The following UBASH3B variants were observed in gnomAD, a reference collection of about 807,000 sequenced individuals.
The protein encoded by UBASH3B is ubiquitin associated and SH3 domain containing B, also known as ubiquitin-associated and SH3 domain-containing protein B.
UBASH3B carries 37 observed loss-of-function variants against 83.4 expected under a neutral mutation model. That is an observed-to-expected ratio of 0.44 (90% CI 0.34 to 0.58). UBASH3B has a LOEUF of 0.58. Among genes scored for constraint, UBASH3B ranks in the 20% least tolerant of loss-of-function variants. The pLI is 0.01. For synonymous variants in UBASH3B, 304 were observed against 318.3 expected, an observed-to-expected ratio of 0.96 and a Z score of 0.48; for missense variants, 657 against 827.2, an observed-to-expected ratio of 0.79 and a Z score of 2.52.
At chr11:122,665,004 G>T (rs1017863983) in intron 1 of UBASH3B, among the ~76,000 whole-genome samples, 2 of 152,204 alleles carry the variant, frequency 1.3e-5, no homozygotes, top group African/African-American at 4.8e-5. Flanking sequence ...CGCCCCCCGG[G>T]TTCACTTCAT....
intron 1 of UBASH3B, among the ~76,000 whole-genome samples, chr11:122,760,803 T>C (rs1861359060): frequency 6.6e-6 from 1 of 152,028 alleles, no homozygotes. Context: ...AGATGAAGAG[T>C]TTAAAAAGTA....
rs576321682 is a variant in UBASH3B, at chr11:122,809,625, C to T, written c.1813-124C>T. 3.1e-6 allele frequency: 3 copies of T among 982,756 alleles called. No individual in the cohort carries two copies. In the South Asian group the frequency reaches 5.1e-5, roughly 17 times the overall value. The allele number at this position is 982,756 out of a possible 1,614,324, so 60.9% of individuals were successfully genotyped here. The stretch of plus-strand genomic sequence containing the variant: ...GATTTTTGAAGGGAATGCATTTCTA[C>T]AAAGCCACTATCCATTTCTGACTGC... On this transcript the variant is annotated intron_variant, in intron 13 of 13. Transcript: ENST00000284273.
chr11:122,770,014 G>C (rs1224617747), intron 1 of UBASH3B, among the ~76,000 whole-genome samples: 1 of 152,188 alleles, frequency 6.6e-6, no homozygotes, highest in African/African-American at 2.4e-5. Flanking sequence ...CTACATGAAG[G>C]AAAGATATAA....
At chr11:122,792,235 A>T (rs1041742099) in intron 6 of UBASH3B, among the ~76,000 whole-genome samples, 3 of 151,862 alleles carry the variant, frequency 2.0e-5, no homozygotes, top group Admixed American at 6.6e-5. Context: ...TACAAGAACG[A>T]TTCTAGGTAG....
intron 5 of UBASH3B, among the ~76,000 whole-genome samples, chr11:122,784,902 T>C (rs1860921126): frequency 6.6e-6 from 1 of 152,126 alleles, no homozygotes; most frequent in Non-Finnish European, 1.5e-5. Context: ...TATTTAAGAA[T>C]TCTGACATCT....
At chr11:122,788,505 G>T (rs1469066333) in intron 5 of UBASH3B, among the ~76,000 whole-genome samples, 2 of 152,156 alleles carry the variant, frequency 1.3e-5, no homozygotes, top group African/African-American at 4.8e-5. Flanking sequence ...GGAGGCAGAG[G>T]CTACAGTGTG....
rs1861488903 is a variant in UBASH3B at position 122,813,626 on chromosome 11, T to C, written c.*3740T>C. The stretch of plus-strand genomic sequence containing the variant: ...CACACGTGTGAGAAAGAAGAGGCAC[T>C]AGTCTAAAAGGCTGCATTGCGGGGA... On this transcript the variant is annotated 3_prime_UTR_variant, in exon 14 of 14. Transcript: ENST00000284273. The C allele has an allele frequency of 6.6e-6, 1 of 152,192 alleles. No homozygotes were observed. The highest frequency in any genetic ancestry group is 2.1e-4 in the South Asian group (1 of 4,834). 9.4% of individuals were successfully genotyped at this position (152,192 alleles called of 1,614,324 possible). A position where few individuals can be genotyped will look rare whatever the true frequency, so the allele number is the denominator to read the frequency against.
intron 1 of UBASH3B, among the ~76,000 whole-genome samples, chr11:122,664,307 A>G (rs928365307): frequency 6.6e-6 from 1 of 152,134 alleles, no homozygotes; most frequent in Non-Finnish European, 1.5e-5. Context: ...GATTACTTTC[A>G]AATGGAATCA....
intron 6 of UBASH3B, among the ~76,000 whole-genome samples, chr11:122,792,705 C>T (rs936732906): frequency 8.5e-5 from 13 of 152,256 alleles, no homozygotes; most frequent in South Asian, 4.1e-4. Context: ...ACTGTGTGAA[C>T]GGCACAAGAT....
intron 10 of UBASH3B, among the ~76,000 whole-genome samples, chr11:122,800,500 G>T (rs1343619248): frequency 6.6e-6 from 1 of 151,750 alleles, no homozygotes; most frequent in East Asian, 1.9e-4. Context: ...GTTGCAGTGA[G>T]CCGAGACTGT....
Position 122,777,059 on chromosome 11 carries a change from A to T in UBASH3B, c.251A>T (p.Asp84Val). The part of the protein sequence containing the change: ...FSHVGDPFLD[D>V]PLPREYVLYL... The stretch of plus-strand genomic sequence containing the variant: ...CATGTCGGTGACCCCTTCCTGGATG[A>T]CCCCCTGCCCCGGGAGTACGTCCTC... Residue 84 changes from aspartate to valine, a missense_variant, in exon 3 of 14, where the codon GAC (aspartate) becomes GTC (valine). By Grantham distance (152) the Asp-to-Val change is radical. Around this residue, in one of 3 missense-constraint regions of UBASH3B, gnomAD observed 573 missense variants for 739.0 expected, o/e 0.78. Transcript: ENST00000284273. 1 of 1,611,374 alleles carries T rather than the reference A, an allele frequency of 6.2e-7. No individual in the cohort carries two copies. Among genetic ancestry groups the T allele is most frequent in the Non-Finnish European group, 8.5e-7 (1 of 1,178,958 alleles).
chr11:122,712,327 A>T (rs1298511730), intron 1 of UBASH3B, among the ~76,000 whole-genome samples: 2 of 152,154 alleles, frequency 1.3e-5, no homozygotes. Flanking sequence ...GGTAGCTGAC[A>T]TGAAGCTCCA....
chr11:122,717,369 T>C (rs752135666), intron 1 of UBASH3B, among the ~76,000 whole-genome samples: 9 of 152,174 alleles, frequency 5.9e-5, no homozygotes, highest in Non-Finnish European at 1.2e-4. Context: ...TCCGAGGAGA[T>C]AATCACATCA....
intron 1 of UBASH3B, among the ~76,000 whole-genome samples, chr11:122,763,856 C>A (rs1860487388): frequency 6.6e-6 from 1 of 152,228 alleles, no homozygotes; most frequent in African/African-American, 2.4e-5. Flanking sequence ...ACTGCCCTCC[C>A]TCAGCCTCAT....
chr11:122,771,965 T>C (rs1860653173), intron 1 of UBASH3B, among the ~76,000 whole-genome samples: 1 of 152,202 alleles, frequency 6.6e-6, no homozygotes, highest in African/African-American at 2.4e-5. Context: ...ATTACAACAG[T>C]TGCTAAAACT....
At chr11:122,693,233 T>C (rs1332580746) in intron 1 of UBASH3B, among the ~76,000 whole-genome samples, 1 of 152,224 alleles carries the variant, frequency 6.6e-6, no homozygotes, top group Non-Finnish European at 1.5e-5. Context: ...AATGGTGGAA[T>C]GTCATCAGTT....
Position 122,813,221 on chromosome 11 carries a change from T to G in UBASH3B, c.*3335T>G, listed in dbSNP as rs1223716939. 6.6e-6 allele frequency: 1 copy of G among 152,228 alleles called. No individual in the cohort carries two copies. Among genetic ancestry groups the G allele is most frequent in the African/African-American group, 2.4e-5 (1 of 41,462 alleles). 9.4% of individuals were successfully genotyped at this position (152,228 alleles called of 1,614,324 possible). On this transcript the variant is annotated 3_prime_UTR_variant, in exon 14 of 14. Transcript: ENST00000284273. ...GATTGTCTTGTCATTGTGCTTAACA[T>G]TACCATAAGTGTGTCTTTTCCACTC...
chr11:122,702,254 C>T (rs1000600969), intron 1 of UBASH3B, among the ~76,000 whole-genome samples: 24 of 152,220 alleles, frequency 1.6e-4, no homozygotes, highest in Admixed American at 6.5e-4. Flanking sequence ...AACATAGTTA[C>T]GTGCAAGGAA....
chr11:122,677,511 T>A (rs901080317), intron 1 of UBASH3B, among the ~76,000 whole-genome samples: 2 of 152,204 alleles, frequency 1.3e-5, no homozygotes, highest in Admixed American at 6.5e-5. Context: ...CTTACCATTA[T>A]CACATCATCA....
Sources: allele counts gnomAD v4.1 joint callset (sites outside exome capture counted in the v4.1 genomes callset), GRCh38; gene constraint gnomAD v4.1.1; regional missense constraint gnomAD v4.1.1; transcripts MANE v1.5; gene names NCBI Gene and HGNC (gene_info 2026-07-23, HGNC 2026-07-21).